SCHIP1: variants seen among roughly 807,000 people sequenced by gnomAD.
SCHIP1 encodes the protein schwannomin-interacting protein 1.
In SCHIP1, 8 loss-of-function variants were observed where a neutral mutation model predicts 29.7. The ratio of observed to expected loss-of-function variants is 0.27; its 90% CI spans 0.16 to 0.49. The LOEUF is 0.49. Among genes scored for constraint, SCHIP1 ranks in the 20% least tolerant of loss-of-function variants. The pLI, the probability that SCHIP1 is intolerant of heterozygous loss-of-function variation, is 0.99. For missense variants in SCHIP1, 193 were observed against 294.6 expected (o/e 0.66, Z 2.52); for synonymous variants, 76 against 94.9 (o/e 0.80, Z 1.16).
At chr3:159,314,021 T>C in the SCHIP1 span, among the ~76,000 whole-genome samples, 3 of 152,222 alleles carry the variant, frequency 2.0e-5, no homozygotes, top group African/African-American at 7.2e-5. Context: ...TCACTAGTGA[T>C]ATTATCTTTG....
chr3:159,552,161 T>C, the SCHIP1 span, among the ~76,000 whole-genome samples: 1 of 147,440 alleles, frequency 6.8e-6, no homozygotes, highest in East Asian at 2.1e-4. Flanking sequence ...GCCTCAGCCC[T>C]CAGCCTCCCA....
the SCHIP1 span, among the ~76,000 whole-genome samples, chr3:159,443,462 G>A: frequency 0.025 from 3,800 of 152,170 alleles, 175 homozygotes; most frequent in African/African-American, 0.086. Flanking sequence ...AAGTCATTGT[G>A]GTAAAACTCT....
At chr3:159,318,061 C>T in the SCHIP1 span, among the ~76,000 whole-genome samples, 1 of 152,162 alleles carries the variant, frequency 6.6e-6, no homozygotes, top group Admixed American at 6.5e-5. Context: ...GAAGTCCATG[C>T]TGCTGAGCCC....
At chr3:159,459,659 T>C in the SCHIP1 span, among the ~76,000 whole-genome samples, 15 of 152,140 alleles carry the variant, frequency 9.9e-5, no homozygotes, top group Non-Finnish European at 1.9e-4. Flanking sequence ...AAAAAGCTAA[T>C]TTATTAGCTT....
At chr3:159,313,569 A>C in the SCHIP1 span, among the ~76,000 whole-genome samples, 1 of 152,232 alleles carries the variant, frequency 6.6e-6, no homozygotes, top group African/African-American at 2.4e-5. Context: ...TTGCAATCCT[A>C]GTACAGAGAG....
At chr3:159,645,128 T>C in the SCHIP1 span, among the ~76,000 whole-genome samples, 1 of 152,122 alleles carries the variant, frequency 6.6e-6, no homozygotes. Flanking sequence ...GAAGAAAACG[T>C]CAATGTAGTT....
chr3:159,846,055 T>C (rs1355671055), intron 1 of SCHIP1: 1 of 152,130 alleles, frequency 6.6e-6, no homozygotes, highest in African/African-American at 2.4e-5. Flanking sequence ...ATTAAGAAAA[T>C]ACCTCCATGC....
At chr3:159,397,337 C>T in the SCHIP1 span, among the ~76,000 whole-genome samples, 347 of 152,352 alleles carry the variant, frequency 2.3e-3, no homozygotes, top group African/African-American at 7.2e-3. Context: ...AGTCATTCTC[C>T]GTCCAGCTTT....
chr3:159,713,280 G>GAAAGAA, the SCHIP1 span, among the ~76,000 whole-genome samples: 10 of 139,240 alleles, frequency 7.2e-5, no homozygotes, highest in African/African-American at 2.7e-4. Context: ...AAGAAAGAAA[G>GAAAGAA]AAAGAAAAAA....
At chr3:159,283,389 G>A in the SCHIP1 span, among the ~76,000 whole-genome samples, 2 of 152,170 alleles carry the variant, frequency 1.3e-5, no homozygotes, top group Non-Finnish European at 2.9e-5. Context: ...CTGACCTCAG[G>A]TGATCCGCCG....
intron 1 of SCHIP1, among the ~76,000 whole-genome samples, chr3:159,843,822 CA>C (rs1161141544): frequency 0.025 from 1,000 of 40,000 alleles, no homozygotes; most frequent in Middle Eastern, 0.042. Context: ...GACTCTGTCT[CA>C]AAAAAAAAAA....
At chr3:159,408,114 C>T in the SCHIP1 span, among the ~76,000 whole-genome samples, 23 of 151,898 alleles carry the variant, frequency 1.5e-4, no homozygotes, top group African/African-American at 4.1e-4. Context: ...CTGGCTAACA[C>T]GGTGAAACCA....
chr3:159,853,135 CA>C (rs1478688188), intron 1 of SCHIP1: 5 of 382,658 alleles, frequency 1.3e-5, no homozygotes, highest in African/African-American at 2.1e-5. Context: ...AGCCAAGTGT[CA>C]GGGGCAGAGT....
the SCHIP1 span, among the ~76,000 whole-genome samples, chr3:159,692,114 C>A: frequency 1.2e-4 from 18 of 150,804 alleles, no homozygotes; most frequent in African/African-American, 4.2e-4. Context: ...CTGCAAGCTC[C>A]GCTTCCCGGT....
In SCHIP1 at chr3:159,843,846, A is replaced by AAAAAAG. The variant is rs150055870; in HGVS notation, c.30+3632_30+3633insAAAAAG. On this transcript the variant is annotated intron_variant, in intron 1 of 6. Coordinates refer to ENST00000445224, the Ensembl canonical transcript of SCHIP1. ...TCAAAAAAAAAAAAAAAAAAAAAAAAGCATTGTAAACATTCTATGGCATTT... is the reference window on the plus strand; with the variant it reads ...TCAAAAAAAAAAAAAAAAAAAAAAAAAAAAAGGCATTGTAAACATTCTATGGCATTT... 7.2e-3 allele frequency among the ~76,000 whole-genome samples: 1,008 copies of AAAAAAG among 139,656 alleles called. 32 individuals carry two copies. The highest frequency in any genetic ancestry group is 0.012 in the African/African-American group (436 of 35,832). 91.6% of individuals were successfully genotyped at this position (139,656 alleles called of 152,430 possible).
At chr3:159,284,869 A>G in the SCHIP1 span, among the ~76,000 whole-genome samples, 1 of 152,062 alleles carries the variant, frequency 6.6e-6, no homozygotes, top group Non-Finnish European at 1.5e-5. Flanking sequence ...ATTTGTTTTG[A>G]TGAATTAATA....
chr3:159,378,250 T>C, the SCHIP1 span, among the ~76,000 whole-genome samples: 1,708 of 152,290 alleles, frequency 0.011, 19 homozygotes, highest in South Asian at 0.033. Flanking sequence ...CAGTAATTCA[T>C]TCTGTAGAGC....
the SCHIP1 span, among the ~76,000 whole-genome samples, chr3:159,586,028 T>C: frequency 6.6e-6 from 1 of 152,062 alleles, no homozygotes. Context: ...TACATTCAGC[T>C]CTAAGATAAC....
At chr3:159,704,864 T>TTTTCTTTCTTTC in the SCHIP1 span, among the ~76,000 whole-genome samples, 5 of 133,324 alleles carry the variant, frequency 3.8e-5, no homozygotes, top group East Asian at 1.1e-3. Context: ...TTCCTTCCTT[T>TTTTCTTTCTTTC]TTTCTTTCTT....
Sources: allele counts gnomAD v4.1 joint callset (sites outside exome capture counted in the v4.1 genomes callset), GRCh38; gene constraint gnomAD v4.1.1; transcripts MANE v1.5; gene names NCBI Gene and HGNC (gene_info 2026-07-23, HGNC 2026-07-21).